The following WDR31 variants were observed in gnomAD, a reference collection of about 807,000 sequenced individuals.
WDR31 encodes the protein WD repeat domain 31.
Under a neutral mutation model 47.3 loss-of-function variants are expected in WDR31, and 30 were observed. The observed-to-expected ratio is 0.63, with a 90% CI of 0.47 to 0.86. The LOEUF (loss-of-function observed/expected upper bound fraction) is 0.86, where lower values mean the gene tolerates loss of function less well. Ranked by LOEUF, WDR31 falls within the 40% of genes least tolerant of loss-of-function variation. The probability of loss-of-function intolerance (pLI) is 0.00; values close to 1 mark genes in which losing one functional copy is unlikely to be tolerated. For synonymous variants in WDR31, 137 were observed against 159.4 expected (o/e 0.86, Z 1.06); for missense variants, 406 against 442.9 (o/e 0.92, Z 0.75).
intron 2 of WDR31, among the ~76,000 whole-genome samples, chr9:113,333,456 A>G (rs1350975299): frequency 7.2e-6 from 1 of 138,752 alleles, no homozygotes; most frequent in Non-Finnish European, 1.5e-5. Context: ...ATCTCGGCTC[A>G]CTGCAAGCTC....
chr9:113,321,373 C>A, intron 8 of WDR31, 138 bp downstream of exon 8: 2 of 803,542 alleles, frequency 2.5e-6, no homozygotes, highest in Non-Finnish European at 4.0e-6. Flanking sequence ...GAGGCCCCAG[C>A]ACCAGTGAAG....
chr9:113,321,750 G>C (rs1833331672), intron 7 of WDR31, among the ~76,000 whole-genome samples, 172 bp from the exon 8 acceptor site: 1 of 152,118 alleles, frequency 6.6e-6, no homozygotes, highest in African/African-American at 2.4e-5. Flanking sequence ...TGCTCTACCT[G>C]CATCTCCTAG....
At chr9:113,324,553 C>A (rs1242923683) in intron 5 of WDR31, among the ~76,000 whole-genome samples, 1 of 151,902 alleles carries the variant, frequency 6.6e-6, no homozygotes, top group East Asian at 1.9e-4. Flanking sequence ...CCATACCTGA[C>A]TAATTTTTGT....
At position 113,339,999 on chromosome 9, in the gene WDR31, T is replaced by C. The variant is rs566007839; in HGVS notation, c.-182+218A>G. On this transcript the variant is annotated intron_variant, in intron 1 of 10. Transcript: ENST00000374193. ...ATCCACCCGCCTCGGCCTCCCACAGTGCTAGGATTCCAGGCGTGAGCCACC... is the reference window on the plus strand; with the variant it reads ...ATCCACCCGCCTCGGCCTCCCACAGCGCTAGGATTCCAGGCGTGAGCCACC... Among the ~76,000 whole-genome samples, 5 of 152,348 alleles carry C rather than the reference T, an allele frequency of 3.3e-5. No individual in the cohort carries two copies. The East Asian group carries it at 7.7e-4, about 24-fold the overall frequency.
rs563229763 is a variant in WDR31, at chr9:113,333,475, A to G, written c.-28-1425T>C. ...CGGCTCACTGCAAGCTCCGCCTCCC[A>G]GGTTCACGCCATTCTCCTGCCTCAG... On this transcript the variant is annotated intron_variant, in intron 2 of 10. Transcript: ENST00000374193. 6.1e-3 allele frequency among the ~76,000 whole-genome samples: 865 copies of G among 141,134 alleles called. 9 individuals carry two copies. The highest frequency in any genetic ancestry group is 0.02 in the African/African-American group (773 of 37,996). The allele number at this position is 141,134 out of a possible 152,430, so 92.6% of individuals were successfully genotyped here. A position where few individuals can be genotyped will look rare whatever the true frequency, so the allele number is the denominator to read the frequency against.
At chr9:113,331,855 A>C in intron 3 of WDR31, 52 bp downstream of exon 3, 1 of 1,543,322 alleles carries the variant, frequency 6.5e-7, no homozygotes, top group Admixed American at 1.7e-5. Flanking sequence ...TTCAGTGGAG[A>C]GTTTTAATGG....
chr9:113,327,419 G>GCGCACA (rs1554730073), intron 5 of WDR31, among the ~76,000 whole-genome samples: 1 of 148,842 alleles, frequency 6.7e-6, no homozygotes, highest in Non-Finnish European at 1.5e-5. Context: ...AGTGTTACAT[G>GCGCACA]CACACACACA....
intron 5 of WDR31, among the ~76,000 whole-genome samples, chr9:113,324,389 CT>C (rs536508042): frequency 0.18 from 22,734 of 128,866 alleles, 2,171 homozygotes; most frequent in African/African-American, 0.36. Flanking sequence ...AATTTCATTC[CT>C]TTTTTTTTTT....
chr9:113,323,428 A>AT (rs1225776727), intron 5 of WDR31, among the ~76,000 whole-genome samples: 1 of 151,918 alleles, frequency 6.6e-6, no homozygotes, highest in Non-Finnish European at 1.5e-5. Context: ...CGCCCAGCTA[A>AT]TTTTTGCATT....
At chr9:113,321,330 C>T in intron 8 of WDR31, 181 bp downstream of exon 8, 2 of 614,878 alleles carry the variant, frequency 3.3e-6, no homozygotes, top group Admixed American at 3.1e-5. Flanking sequence ...GACACACAAC[C>T]TCTACCTTAA....
intron 2 of WDR31, among the ~76,000 whole-genome samples, chr9:113,333,950 C>G (rs1376163440): frequency 1.3e-5 from 2 of 151,750 alleles, no homozygotes; most frequent in African/African-American, 4.8e-5. Flanking sequence ...TTTCTCTCCT[C>G]CTTCTTCCTT....
In WDR31 at chr9:113,332,513, G is replaced by C. The variant is rs1833620796; in HGVS notation, c.-28-463C>G. Among the ~76,000 whole-genome samples the C allele has an allele frequency of 2.0e-5, 3 of 152,252 alleles. No individual in the cohort carries two copies. In the South Asian group the frequency reaches 6.2e-4, roughly 32 times the overall value. ...ATACTACAACATGGGTGAATCTTGA[G>C]AACATCATGCTAAGCAAAAGAAGCC... is the stretch of plus-strand genomic sequence containing the variant. On this transcript the variant is annotated intron_variant, in intron 2 of 10. Coordinates refer to ENST00000374193, the MANE Select transcript of WDR31 (RefSeq NM_001012361.4).
At chr9:113,337,514 G>A (rs1033781623) in intron 1 of WDR31, among the ~76,000 whole-genome samples, 4 of 146,342 alleles carry the variant, frequency 2.7e-5, no homozygotes, top group African/African-American at 1.0e-4. Flanking sequence ...TGCCCAGACT[G>A]GAGTGCAGTG....
At chr9:113,330,848 A>C in intron 4 of WDR31, 136 bp downstream of exon 4, 1 of 993,060 alleles carries the variant, frequency 1.0e-6, no homozygotes, top group East Asian at 2.6e-5. Flanking sequence ...ATTTAAATCC[A>C]GTCTTTCTAA....
At chr9:113,319,552 G>A (rs1241995898) in intron 9 of WDR31, among the ~76,000 whole-genome samples, 1 of 152,106 alleles carries the variant, frequency 6.6e-6, no homozygotes, top group South Asian at 2.1e-4. Flanking sequence ...CACAAGAAAT[G>A]TTCAATAAAA....
intron 10 of WDR31, among the ~76,000 whole-genome samples, 173 bp from the exon 11 acceptor site, chr9:113,317,082 A>C (rs1833222548): frequency 6.6e-6 from 1 of 152,148 alleles, no homozygotes; most frequent in South Asian, 2.1e-4. Flanking sequence ...ACTTGGGCCA[A>C]CTCCATGACT....
intron 2 of WDR31, 74 bp from the exon 3 acceptor site, chr9:113,332,124 T>C: frequency 1.9e-6 from 2 of 1,037,682 alleles, no homozygotes; most frequent in Non-Finnish European, 2.9e-6. Flanking sequence ...AATAAATCCT[T>C]TTTTAGACTA....
intron 7 of WDR31, 71 bp downstream of exon 7, chr9:113,322,740 A>C: frequency 6.7e-7 from 1 of 1,496,452 alleles, no homozygotes; most frequent in Admixed American, 1.9e-5. Context: ...CTCCTGATTT[A>C]TCTCCCGAGC....
At chr9:113,332,341 C>T (rs970409141) in intron 2 of WDR31, among the ~76,000 whole-genome samples, 2 of 152,158 alleles carry the variant, frequency 1.3e-5, no homozygotes, top group African/African-American at 4.8e-5. Context: ...AAAATTTGTG[C>T]ACAAATGTTC....
Sources: gnomAD v4.1 joint callset for allele counts (sites outside exome capture counted in the v4.1 genomes callset) on GRCh38, gnomAD v4.1.1 for gene constraint, MANE v1.5 for transcripts, NCBI Gene and HGNC (gene_info 2026-07-23, HGNC 2026-07-21) for gene names.